The following ST18 variants were observed in gnomAD, a reference collection of about 807,000 sequenced individuals.
The protein encoded by ST18 is suppression of tumorigenicity 18 protein.
In ST18, 50 loss-of-function variants were observed where a neutral mutation model predicts 110.0. That is an observed-to-expected ratio of 0.45 (90% CI 0.36 to 0.58). ST18 has a LOEUF of 0.58. Ranked by LOEUF, ST18 falls within the 20% of genes least tolerant of loss-of-function variation. ST18 has a pLI of 0.00. For synonymous variants in ST18, 461 were observed against 452.4 expected (o/e 1.02, Z -0.24); for missense variants, 1,306 against 1,280.1 (o/e 1.02, Z -0.31).
At chr8:52,141,235 C>T (rs746122657) in intron 17 of ST18, among the ~76,000 whole-genome samples, 18 of 152,142 alleles carry the variant, frequency 1.2e-4, no homozygotes, top group Non-Finnish European at 2.4e-4. Context: ...AAACTGATGA[C>T]GGACTCGGAA....
intron 18 of ST18, 121 bp from the exon 19 acceptor site, chr8:52,136,779 A>G: frequency 1.2e-6 from 1 of 850,050 alleles, no homozygotes; most frequent in Non-Finnish European, 1.8e-6. Context: ...GGAAAAAAAA[A>G]TAACTGGCTT....
chr8:52,255,301 CT>C (rs2094490786), intron 2 of ST18, among the ~76,000 whole-genome samples: 1 of 152,138 alleles, frequency 6.6e-6, no homozygotes, highest in African/African-American at 2.4e-5. Context: ...ACTTTTTCCC[CT>C]GACTCCAAGT....
intron 15 of ST18, among the ~76,000 whole-genome samples, chr8:52,152,146 G>A (rs572509422): frequency 2.6e-4 from 40 of 151,954 alleles, no homozygotes; most frequent in African/African-American, 5.5e-4. Context: ...GGGAGAGAGC[G>A]GGCGGCTCAC....
At chr8:52,136,473 A>C (rs2052349291) in intron 19 of ST18, 117 bp downstream of exon 19, 1 of 1,002,432 alleles carries the variant, frequency 1.0e-6, no homozygotes, top group African/African-American at 1.6e-5. Context: ...CTTTGCTGTG[A>C]TCCTGGCAGG....
At chr8:52,151,289 G>C (rs1362613863) in intron 15 of ST18, among the ~76,000 whole-genome samples, 1 of 151,324 alleles carries the variant, frequency 6.6e-6, no homozygotes, top group Non-Finnish European at 1.5e-5. Context: ...TCTTTTATTT[G>C]CTTATTTTAC....
intron 2 of ST18, among the ~76,000 whole-genome samples, chr8:52,399,756 C>T (rs988644701): frequency 3.9e-5 from 6 of 151,918 alleles, no homozygotes; most frequent in Admixed American, 2.0e-4. Flanking sequence ...CTCCTGTTGT[C>T]GACTTCTAGT....
intron 4 of ST18, 114 bp from the exon 5 acceptor site, chr8:52,220,962 T>A (rs1564146007): frequency 1.3e-5 from 2 of 152,228 alleles, no homozygotes; most frequent in African/African-American, 4.8e-5. Flanking sequence ...TTATCTATAG[T>A]TTGATTGTAC....
chr8:52,307,564 ATT>A (rs2095835212), intron 2 of ST18, among the ~76,000 whole-genome samples: 1 of 152,118 alleles, frequency 6.6e-6, no homozygotes, highest in Admixed American at 6.5e-5. Flanking sequence ...ACTTTTTCTG[ATT>A]TATAAAAGCA....
chr8:52,180,015 G>T, intron 9 of ST18, 107 bp downstream of exon 9: 1 of 1,194,588 alleles, frequency 8.4e-7, no homozygotes, highest in Non-Finnish European at 1.2e-6. Context: ...AAATCTTAAT[G>T]TACTTTTACA....
intron 2 of ST18, among the ~76,000 whole-genome samples, chr8:52,390,561 G>A (rs1176649541): frequency 1.3e-5 from 2 of 152,188 alleles, no homozygotes; most frequent in Non-Finnish European, 2.9e-5. Context: ...GACATTTGAG[G>A]TGAATGTCCC....
intron 5 of ST18, among the ~76,000 whole-genome samples, chr8:52,218,845 C>T (rs912288148): frequency 2.0e-5 from 3 of 151,830 alleles, no homozygotes; most frequent in Non-Finnish European, 2.9e-5. Context: ...TGTGAGATGT[C>T]GTTTCAGTCC....
intron 2 of ST18, among the ~76,000 whole-genome samples, chr8:52,369,701 A>T (rs992111226): frequency 7.2e-5 from 11 of 152,248 alleles, no homozygotes; most frequent in African/African-American, 2.7e-4. Flanking sequence ...GAAAAAAAGA[A>T]ACTTGGCTGA....
chr8:52,271,414 CT>C (rs2095072139), intron 2 of ST18, among the ~76,000 whole-genome samples: 1 of 152,118 alleles, frequency 6.6e-6, no homozygotes. Flanking sequence ...GGCATTATTC[CT>C]TGCCATGTTT....
At chr8:52,270,178 T>A (rs1456700352) in intron 2 of ST18, among the ~76,000 whole-genome samples, 1 of 152,254 alleles carries the variant, frequency 6.6e-6, no homozygotes, top group Non-Finnish European at 1.5e-5. Flanking sequence ...TATATTGTTG[T>A]GAATATATTA....
intron 2 of ST18, among the ~76,000 whole-genome samples, chr8:52,373,239 G>A (rs937943196): frequency 2.0e-5 from 3 of 152,068 alleles, no homozygotes; most frequent in African/African-American, 7.2e-5. Context: ...TCCCCCTTCA[G>A]AGAGTAAGCC....
At chr8:52,356,209 T>C (rs914684471) in intron 2 of ST18, among the ~76,000 whole-genome samples, 3 of 151,990 alleles carry the variant, frequency 2.0e-5, no homozygotes, top group Non-Finnish European at 4.4e-5. Flanking sequence ...TAAAGTGGAG[T>C]TGTAAACAGC....
chr8:52,133,272 C>T lies in ST18; in HGVS notation c.2330G>A (p.Gly777Glu). 3 of 1,614,122 alleles carry T rather than the reference C, an allele frequency of 1.9e-6. No homozygotes were observed. The highest frequency in any genetic ancestry group is 2.5e-6 in the Non-Finnish European group (3 of 1,180,020). Reference sequence around the variant, plus strand: ...GGAAGCATAGTTTCCAGTCACGTGCCCCGAGCCATCGCAGCCTGGGGTTGG... The same window carrying T: ...GGAAGCATAGTTTCCAGTCACGTGCTCCGAGCCATCGCAGCCTGGGGTTGG... Reference protein sequence around the residue: ...KCPTPGCDGSGHVTGNYASHR... With the variant: ...KCPTPGCDGSEHVTGNYASHR... The change falls in exon 20 of 26, where the codon GGG becomes GAG. Residue 777 changes from glycine to glutamate, a missense_variant. By Grantham distance (98) the Gly-to-Glu change is moderately conservative. Transcript: ENST00000689386.
At chr8:52,175,008 T>C (rs1000818727) in intron 9 of ST18, among the ~76,000 whole-genome samples, 2 of 152,196 alleles carry the variant, frequency 1.3e-5, no homozygotes. Context: ...ATTTTGTGCC[T>C]CTGCCACTGA....
intron 2 of ST18, among the ~76,000 whole-genome samples, chr8:52,389,558 C>T (rs1010126485): frequency 1.3e-5 from 2 of 152,158 alleles, no homozygotes; most frequent in Non-Finnish European, 2.9e-5. Flanking sequence ...CTCCTTCCAC[C>T]CTAGGCATGA....
Sources: allele counts gnomAD v4.1 joint callset (sites outside exome capture counted in the v4.1 genomes callset), GRCh38; gene constraint gnomAD v4.1.1; transcripts MANE v1.5; gene names NCBI Gene and HGNC (gene_info 2026-07-23, HGNC 2026-07-21).